The following DUSP6 variants were observed in gnomAD, a reference collection of about 807,000 sequenced individuals.
DUSP6 encodes dual specificity protein phosphatase 6.
A neutral mutation model predicts 28.0 loss-of-function variants in DUSP6; 6 were observed. The observed-to-expected ratio is 0.21, with a 90% CI of 0.12 to 0.42. The LOEUF is 0.42. Among genes scored for constraint, DUSP6 ranks in the 10% least tolerant of loss-of-function variants. DUSP6 has a pLI of 1.00. For missense variants in DUSP6, 451 were observed against 498.1 expected (o/e 0.91, Z 0.90); for synonymous variants, 252 against 217.5 (o/e 1.16, Z -1.40).
At chr12:89,351,588 CAGCCCTGCGCCCCT>C in intron 1 of DUSP6, 38 bp downstream of exon 1, 1 of 1,513,292 alleles carries the variant, frequency 6.6e-7, no homozygotes, top group Non-Finnish European at 8.9e-7. Context: ...GCCCCGCCCG[CAGCCCTGCGCCCCT>C]AGCCCTGCCC....
In DUSP6 at chr12:89,349,249, G is replaced by T. The variant is rs200199230; in HGVS notation, c.*5C>A. On this transcript the variant is annotated 3_prime_UTR_variant, in exon 3 of 3. Coordinates refer to ENST00000279488, the MANE Select transcript of DUSP6 (RefSeq NM_001946.4). The stretch of plus-strand genomic sequence containing the variant: ...ACATTCCAGCAAGGAGGGGTGTGGG[G>T]TCTTTCACGTAGATTGCAGAGAGTC... The T allele has an allele frequency of 9.4e-5, 150 of 1,603,290 alleles. No individual in the cohort carries two copies. In the African/African-American group the frequency reaches 2.0e-3, roughly 21 times the overall value.
rs528150903 is a variant in DUSP6, at chr12:89,348,181, A to T, written c.*1073T>A. 1 of 152,678 alleles carries T rather than the reference A, an allele frequency of 6.5e-6. No individual in the cohort carries two copies. Among genetic ancestry groups the T allele is most frequent in the Non-Finnish European group, 1.5e-5 (1 of 68,008 alleles). 9.5% of individuals were successfully genotyped at this position (152,678 alleles called of 1,614,324 possible). A position where few individuals can be genotyped will look rare whatever the true frequency, so the allele number is the denominator to read the frequency against. On this transcript the variant is annotated 3_prime_UTR_variant, in exon 3 of 3. Coordinates refer to ENST00000279488, the MANE Select transcript of DUSP6 (RefSeq NM_001946.4). Reference sequence around the variant, plus strand: ...ATTTAACTCTCCCTTCTTCACAATCAAATGCATTTCTCTTATCAAATGGGT... The same window carrying T: ...ATTTAACTCTCCCTTCTTCACAATCTAATGCATTTCTCTTATCAAATGGGT...
Position 89,352,374 on chromosome 12 carries a change from T to A in DUSP6, c.-335A>T. The A allele has an allele frequency of 3.1e-6, 1 of 324,558 alleles. No homozygotes were observed. Among genetic ancestry groups the A allele is most frequent in the Non-Finnish European group, 5.8e-6 (1 of 172,174 alleles). The allele number at this position is 324,558 out of a possible 1,614,324, so 20.1% of individuals were successfully genotyped here. A position where few individuals can be genotyped will look rare whatever the true frequency, so the allele number is the denominator to read the frequency against. ...GGAAAAAAAGTCTAGCGGCTTCTAATCCCTCCCTCCAAGGCTGCACCTCAA... is the reference window on the plus strand; with the variant it reads ...GGAAAAAAAGTCTAGCGGCTTCTAAACCCTCCCTCCAAGGCTGCACCTCAA... On this transcript the variant is annotated 5_prime_UTR_variant, in exon 1 of 3. Coordinates refer to ENST00000279488, the MANE Select transcript of DUSP6 (RefSeq NM_001946.4).
In DUSP6 at chr12:89,347,706, T is replaced by C. The variant is rs1879027817; in HGVS notation, c.*1548A>G. 6.6e-6 allele frequency: 1 copy of C among 152,246 alleles called. No individual in the cohort carries two copies. The allele number at this position is 152,246 out of a possible 1,614,324, so 9.4% of individuals were successfully genotyped here. A position where few individuals can be genotyped will look rare whatever the true frequency, so the allele number is the denominator to read the frequency against. On this transcript the variant is annotated 3_prime_UTR_variant, in exon 3 of 3. Coordinates refer to ENST00000279488, the MANE Select transcript of DUSP6 (RefSeq NM_001946.4). ...GAAGGATAGGGAGGAGGTTAACATG[T>C]GGCTGTCATCTTGGTATTCTGCTAC... is the stretch of plus-strand genomic sequence containing the variant.
chr12:89,352,369 T>G lies in DUSP6; in HGVS notation c.-330A>C, dbSNP rs1275052560. 2.9e-6 allele frequency: 1 copy of G among 340,492 alleles called. No individual in the cohort carries two copies. Among genetic ancestry groups the G allele is most frequent in the Non-Finnish European group, 5.5e-6 (1 of 182,308 alleles). The allele number at this position is 340,492 out of a possible 1,614,324, so 21.1% of individuals were successfully genotyped here. A position where few individuals can be genotyped will look rare whatever the true frequency, so the allele number is the denominator to read the frequency against. Reference sequence around the variant, plus strand: ...GGGGAGGAAAAAAAGTCTAGCGGCTTCTAATCCCTCCCTCCAAGGCTGCAC... The same window carrying G: ...GGGGAGGAAAAAAAGTCTAGCGGCTGCTAATCCCTCCCTCCAAGGCTGCAC... On this transcript the variant is annotated 5_prime_UTR_variant, in exon 1 of 3. Coordinates refer to ENST00000279488, the MANE Select transcript of DUSP6 (RefSeq NM_001946.4).
chr12:89,351,418 C>T, intron 1 of DUSP6: 1 of 737,734 alleles, frequency 1.4e-6, no homozygotes, highest in Non-Finnish European at 2.1e-6. Flanking sequence ...AAGAAACCGC[C>T]GGTACCCGCA....
rs1879159687 is a variant in DUSP6 at position 89,350,899 on chromosome 12, GAGTC to G, written c.523_526del (p.Asp175LeufsTer62). 6.2e-7 allele frequency: 1 copy of G among 1,613,834 alleles called. No individual in the cohort carries two copies. The highest frequency in any genetic ancestry group is 8.5e-7 in the Non-Finnish European group (1 of 1,179,956). ...AAGGTCAGACTCGATGTCCGAGGAA[GAGTC>G]AGAGCTGATCCGCAGGCCCCCGAGC... On this transcript the variant is annotated frameshift_variant, in exon 2 of 3. Coordinates refer to ENST00000279488, the MANE Select transcript of DUSP6 (RefSeq NM_001946.4). LOFTEE classifies it high-confidence loss of function.
intron 2 of DUSP6, 123 bp from the exon 3 acceptor site, chr12:89,349,684 C>G (rs1431083294): frequency 1.5e-6 from 1 of 674,782 alleles, no homozygotes; most frequent in African/African-American, 1.8e-5. Context: ...CAGTTGAGCC[C>G]TACAAGCAGC....
In DUSP6 at chr12:89,352,102, C is replaced by G. The variant is rs1183556265; in HGVS notation, c.-63G>C. The G allele has an allele frequency of 1.3e-6, 2 of 1,536,534 alleles. No individual in the cohort carries two copies. The highest frequency in any genetic ancestry group is 1.8e-6 in the Non-Finnish European group (2 of 1,141,092). On this transcript the variant is annotated 5_prime_UTR_variant, in exon 1 of 3. Coordinates refer to ENST00000279488, the MANE Select transcript of DUSP6 (RefSeq NM_001946.4). ...GACGCCCCTCGGGGCAGGCATAGGCCGAGCGCACCGCGCGCGAAGCTGCCG... is the reference window on the plus strand; with the variant it reads ...GACGCCCCTCGGGGCAGGCATAGGCGGAGCGCACCGCGCGCGAAGCTGCCG...
rs1458155420 is a variant in DUSP6 at position 89,348,078 on chromosome 12, T to TA, written c.*1175dup. ...ACACACATTCAATAGCCAAAATAGTTATTTATTAATAATTTAAGGTTTTAC... is the reference window on the plus strand; with the variant it reads ...ACACACATTCAATAGCCAAAATAGTTAATTTATTAATAATTTAAGGTTTTAC... On this transcript the variant is annotated 3_prime_UTR_variant, in exon 3 of 3. Coordinates refer to ENST00000279488, the MANE Select transcript of DUSP6 (RefSeq NM_001946.4). The TA allele has an allele frequency of 1.3e-5, 2 of 152,662 alleles. No homozygotes were observed. Among genetic ancestry groups the TA allele is most frequent in the Admixed American group, 1.3e-4 (2 of 15,288 alleles). 9.5% of individuals were successfully genotyped at this position (152,662 alleles called of 1,614,324 possible).
In DUSP6 at chr12:89,349,049, A is replaced by C. The variant is rs987658183; in HGVS notation, c.*205T>G. ...GCAAACCTACTGCCTGTATCTATAC[A>C]GCATGTCCTGTTATTCCAAAGAGAA... On this transcript the variant is annotated 3_prime_UTR_variant, in exon 3 of 3. Transcript: ENST00000279488. 1.7e-6 allele frequency: 1 copy of C among 597,474 alleles called. No homozygotes were observed. Among genetic ancestry groups the C allele is most frequent in the Non-Finnish European group, 2.9e-6 (1 of 341,376 alleles). 37.0% of individuals were successfully genotyped at this position (597,474 alleles called of 1,614,324 possible).
intron 2 of DUSP6, among the ~76,000 whole-genome samples, chr12:89,349,763 A>G (rs1360800784): frequency 6.6e-6 from 1 of 152,242 alleles, no homozygotes; most frequent in Non-Finnish European, 1.5e-5. Flanking sequence ...TTTTCTGAAA[A>G]GAGAGCTTTT....
At chr12:89,350,519 C>T in intron 2 of DUSP6, 69 bp downstream of exon 2, 1 of 1,475,440 alleles carries the variant, frequency 6.8e-7, no homozygotes, top group East Asian at 2.3e-5. Context: ...CGATTAACAG[C>T]TTAAACTCTA....
intron 1 of DUSP6, chr12:89,351,429 G>T: frequency 1.2e-6 from 1 of 814,048 alleles, no homozygotes; most frequent in Non-Finnish European, 1.8e-6. Flanking sequence ...GGTACCCGCA[G>T]CCGGAAGCGA....
In DUSP6 at chr12:89,350,708, T is replaced by C. The variant is rs916922278; in HGVS notation, c.718A>G (p.Thr240Ala). ...EFGIKYILNV[T>A]PNLPNLFENA... ...TCAAAGAGATTCGGCAAATTGGGGG[T>C]GACGTTCAAGATGTACTTGATGCCG... Residue 240 changes from threonine (T) to alanine (A), a missense_variant, in exon 2 of 3, where the codon ACC (threonine) becomes GCC (alanine). Thr to Ala is a moderately conservative substitution (Grantham distance 58). This residue lies in a region of DUSP6 where 347 missense variants were observed against 346.6 expected (regional missense o/e 1.00). Coordinates refer to ENST00000279488, the MANE Select transcript of DUSP6 (RefSeq NM_001946.4). 6.2e-7 allele frequency: 1 copy of C among 1,613,946 alleles called. No homozygotes were observed. The highest frequency in any genetic ancestry group is 8.5e-7 in the Non-Finnish European group (1 of 1,180,002).
intron 2 of DUSP6, among the ~76,000 whole-genome samples, chr12:89,350,098 C>A (rs755243002): frequency 6.6e-6 from 1 of 152,240 alleles, no homozygotes; most frequent in Non-Finnish European, 1.5e-5. Context: ...CACAGTTCTT[C>A]CTGCTGGGCT....
chr12:89,351,057 T>C lies in DUSP6; in HGVS notation c.401-32A>G, dbSNP rs774134422. On this transcript the variant is annotated intron_variant, in intron 1 of 2. Coordinates refer to ENST00000279488, the MANE Select transcript of DUSP6 (RefSeq NM_001946.4). ...GAACGAGAAAAGCAATCATCTAACC[T>C]GAGAAGCCGTAGTAGTTTTCACAGC... 7 of 1,539,208 alleles carry C rather than the reference T, an allele frequency of 4.5e-6. No individual in the cohort carries two copies. In the African/African-American group the frequency reaches 6.8e-5, roughly 15 times the overall value.
rs1318554694 is a variant in DUSP6, at chr12:89,348,989, T to C, written c.*265A>G. 5.0e-6 allele frequency: 2 copies of C among 401,484 alleles called. No individual in the cohort carries two copies. Among genetic ancestry groups the C allele is most frequent in the Non-Finnish European group, 4.5e-6 (1 of 221,474 alleles). The allele number at this position is 401,484 out of a possible 1,614,324, so 24.9% of individuals were successfully genotyped here. On this transcript the variant is annotated 3_prime_UTR_variant, in exon 3 of 3. Transcript: ENST00000279488. ...GCGCCTGGAAGTCCTCGAATCCCAG[T>C]CCCTGCATGGGTAGGCTGTACACAT...
At chr12:89,351,121 C>T (rs1879170474) in intron 1 of DUSP6, 96 bp from the exon 2 acceptor site, 17 of 1,321,528 alleles carry the variant, frequency 1.3e-5, no homozygotes, top group Non-Finnish European at 1.5e-5. Flanking sequence ...ACACCACAAG[C>T]ATCCTACGAA....
Sources: gnomAD v4.1 joint callset for allele counts (sites outside exome capture counted in the v4.1 genomes callset) on GRCh38, gnomAD v4.1.1 for gene constraint, gnomAD v4.1.1 regional missense constraint, MANE v1.5 for transcripts, NCBI Gene and HGNC (gene_info 2026-07-23, HGNC 2026-07-21) for gene names.